The following UBE4A variants were observed in gnomAD, a reference collection of about 807,000 sequenced individuals.
UBE4A encodes the protein ubiquitin conjugation factor E4 A.
A neutral mutation model predicts 117.9 loss-of-function variants in UBE4A; 48 were observed. The observed-to-expected ratio is 0.41, with a 90% CI of 0.32 to 0.52. The LOEUF (loss-of-function observed/expected upper bound fraction) is 0.52, where lower values mean the gene tolerates loss of function less well. UBE4A is among the 20% of genes least tolerant of loss of function. The pLI is 0.33. For missense variants in UBE4A, 1,067 were observed against 1,296.3 expected (o/e 0.82, Z 2.72); for synonymous variants, 407 against 450.0 (o/e 0.90, Z 1.21).
intron 3 of UBE4A, 62 bp downstream of exon 3, chr11:118,368,866 C>T (rs755926128): frequency 6.5e-7 from 1 of 1,544,664 alleles, no homozygotes. Context: ...TAGGGGCTTG[C>T]TCTTTGAAAC....
rs1457248027 is a variant in UBE4A at position 118,374,861 on chromosome 11, GA to G, written c.1117-32del. 5 of 1,471,678 alleles carry G rather than the reference GA, an allele frequency of 3.4e-6. No homozygotes were observed. In the African/African-American group the frequency reaches 7.1e-5, roughly 21 times the overall value. The allele number at this position is 1,471,678 out of a possible 1,614,324, so 91.2% of individuals were successfully genotyped here. On this transcript the variant is annotated intron_variant, in intron 8 of 19. Coordinates refer to ENST00000252108, the MANE Select transcript of UBE4A (RefSeq NM_001204077.2). ...TGGGAATAAAAACTATTAGGATTGT[GA>G]AACGTTCTGTGGTTGTGTTTTCTGG...
chr11:118,384,722 G>A lies in UBE4A; in HGVS notation c.2285G>A (p.Arg762Gln), dbSNP rs782347456. 21 of 1,613,778 alleles carry A rather than the reference G, an allele frequency of 1.3e-5. No homozygotes were observed. Among genetic ancestry groups the A allele is most frequent in the East Asian group, 6.7e-5 (3 of 44,878 alleles). Residue 762 changes from arginine to glutamine, a missense_variant, in exon 14 of 20, where the codon CGG becomes CAG. This residue lies in a region of UBE4A where 1,001 missense variants were observed against 1,184.0 expected (regional missense o/e 0.85). Transcript: ENST00000252108. ...LRYMWGTDTY[R>Q]ESIKDLADYA... ...TACATGTGGGGGACAGATACCTATC[G>A]GGAGAGCATTAAGGTGAGAGAGTTT...
At position 118,368,810 on chromosome 11, in the gene UBE4A, T is replaced by C; in HGVS notation, c.295+6T>C. ...CCTTATTACTCTGGACAACAGTGAG[T>C]TACAAACTTATAGCATTATTCTACC... On this transcript the variant is annotated splice_donor_region_variant and intron_variant, in intron 3 of 19. Coordinates refer to ENST00000252108, the MANE Select transcript of UBE4A (RefSeq NM_001204077.2). 1 of 1,613,888 alleles carries C rather than the reference T, an allele frequency of 6.2e-7. No homozygotes were observed. The highest frequency in any genetic ancestry group is 8.5e-7 in the Non-Finnish European group (1 of 1,179,870).
At chr11:118,389,520 T>A (rs1948792857) in intron 16 of UBE4A, among the ~76,000 whole-genome samples, 2 of 152,242 alleles carry the variant, frequency 1.3e-5, no homozygotes, top group African/African-American at 4.8e-5. Context: ...TTTTGTCTTT[T>A]CTGTTTTTTG....
At chr11:118,363,665 G>GCAGTGGCA (rs1948539915) in intron 1 of UBE4A, among the ~76,000 whole-genome samples, 1 of 139,042 alleles carries the variant, frequency 7.2e-6, no homozygotes, top group Admixed American at 8.0e-5. Context: ...AGGTTGAAGT[G>GCAGTGGCA]CAGTGGCACA....
chr11:118,360,149 G>A (rs907768019), intron 1 of UBE4A, among the ~76,000 whole-genome samples: 1 of 152,222 alleles, frequency 6.6e-6, no homozygotes, highest in African/African-American at 2.4e-5. Context: ...TCTTAAGGCA[G>A]GTGATGAGTT....
intron 8 of UBE4A, among the ~76,000 whole-genome samples, chr11:118,374,334 C>T (rs140894328): frequency 6.8e-4 from 103 of 152,256 alleles, no homozygotes; most frequent in African/African-American, 2.5e-3. Context: ...TCCACCTATG[C>T]CCTCTCTTTG....
chr11:118,382,845 G>A (rs1416388416), intron 13 of UBE4A, 69 bp downstream of exon 13: 18 of 1,338,300 alleles, frequency 1.3e-5, no homozygotes, highest in African/African-American at 3.0e-5. Flanking sequence ...AGTTTGATCC[G>A]TATTTGGATA....
intron 11 of UBE4A, 38 bp from the exon 12 acceptor site, chr11:118,381,353 G>A (rs1247307212): frequency 3.7e-6 from 6 of 1,611,872 alleles, no homozygotes; most frequent in Admixed American, 1.7e-5. Context: ...CAGATATACA[G>A]ATGTTTGGCT....
intron 2 of UBE4A, among the ~76,000 whole-genome samples, chr11:118,367,292 CAAG>C (rs1048571887): frequency 1.8e-4 from 26 of 146,316 alleles, no homozygotes; most frequent in African/African-American, 2.5e-4. Flanking sequence ...AAAAAAATAA[CAAG>C]AAAGAATAAA....
intron 10 of UBE4A, chr11:118,378,606 C>G (rs1167156471): frequency 1.3e-5 from 2 of 152,172 alleles, no homozygotes; most frequent in African/African-American, 2.4e-5. Context: ...GAGCATTTTT[C>G]AAAACTACTC....
chr11:118,374,981 C>A lies in UBE4A; in HGVS notation c.1202C>A (p.Ser401Tyr). ...LSPETKHCIL[S>Y]WLGNCLHANA... ...CCAGAAACCAAACACTGTATCTTGT[C>A]CTGGCTTGGAAACTGTTTGCATGCA... The change falls in exon 9 of 20, where the codon TCC (serine) becomes TAC (tyrosine). Residue 401 changes from serine (S) to tyrosine (Y), a missense_variant. Physicochemically the swap from Ser to Tyr is moderately radical, Grantham distance 144. Transcript: ENST00000252108. 6.2e-7 allele frequency: 1 copy of A among 1,608,490 alleles called. No homozygotes were observed. Among genetic ancestry groups the A allele is most frequent in the Non-Finnish European group, 8.5e-7 (1 of 1,176,456 alleles).
At chr11:118,361,013 T>G (rs1948516774) in intron 1 of UBE4A, among the ~76,000 whole-genome samples, 1 of 148,632 alleles carries the variant, frequency 6.7e-6, no homozygotes, top group Admixed American at 6.7e-5. Context: ...TGTGTATTTT[T>G]TTTTTTTTTT....
chr11:118,360,398 C>G (rs1037607516), intron 1 of UBE4A, among the ~76,000 whole-genome samples: 2 of 152,214 alleles, frequency 1.3e-5, no homozygotes, highest in African/African-American at 2.4e-5. Context: ...TGCTTTTTGA[C>G]TTGAGATCCT....
Position 118,375,194 on chromosome 11 carries a change from A to G in UBE4A, c.1415A>G (p.Asp472Gly). 6.2e-7 allele frequency: 1 copy of G among 1,609,914 alleles called. No homozygotes were observed. Among genetic ancestry groups the G allele is most frequent in the Non-Finnish European group, 8.5e-7 (1 of 1,177,368 alleles). ...PTYCALKELNDEERKIKNVHM... is the reference protein window; with the variant it reads ...PTYCALKELNGEERKIKNVHM... ...TACTGTGCCCTCAAGGAGTTGAATGATGAAGAACGAAAAATTAAAAATGTA... is the reference window on the plus strand; with the variant it reads ...TACTGTGCCCTCAAGGAGTTGAATGGTGAAGAACGAAAAATTAAAAATGTA... Residue 472 changes from aspartate to glycine, a missense_variant, in exon 9 of 20, where the codon GAT (aspartate) becomes GGT (glycine). Physicochemically the swap from Asp to Gly is moderately conservative, Grantham distance 94. Transcript: ENST00000252108.
chr11:118,383,139 T>G (rs1412004749), intron 13 of UBE4A, among the ~76,000 whole-genome samples: 1 of 152,214 alleles, frequency 6.6e-6, no homozygotes, highest in Non-Finnish European at 1.5e-5. Context: ...CCTTATTATG[T>G]TGCATCATCA....
At chr11:118,380,764 A>G (rs1555126218) in intron 11 of UBE4A, among the ~76,000 whole-genome samples, 1 of 152,142 alleles carries the variant, frequency 6.6e-6, no homozygotes, top group African/African-American at 2.4e-5. Context: ...GTGGTTGTTG[A>G]CAGGCCTCAG....
At chr11:118,380,130 TGTGC>T (rs782233883) in intron 11 of UBE4A, among the ~76,000 whole-genome samples, 32 of 67,850 alleles carry the variant, frequency 4.7e-4, no homozygotes, top group Admixed American at 3.1e-3. Flanking sequence ...TGTGTGTGTG[TGTGC>T]GTGTGTGTGT....
rs1002500913 is a variant in UBE4A at position 118,375,016 on chromosome 11, C to T, written c.1237C>T (p.Arg413Cys). 11 of 1,613,756 alleles carry T rather than the reference C, an allele frequency of 6.8e-6. No homozygotes were observed. Among genetic ancestry groups the T allele is most frequent in the East Asian group, 2.2e-5 (1 of 44,898 alleles). Residue 413 changes from arginine (R) to cysteine (C), a missense_variant, in exon 9 of 20, where the codon CGC (arginine) becomes TGC (cysteine). By Grantham distance (180) the Arg-to-Cys change is radical. Transcript: ENST00000252108. ...AAACTGTTTGCATGCAAATGCAGGC[C>T]GCACCAAGATTTGGGCCAATCAGAT... ...LGNCLHANAG[R>C]TKIWANQMPE...
Sources: gnomAD v4.1 joint callset for allele counts (sites outside exome capture counted in the v4.1 genomes callset) on GRCh38, gnomAD v4.1.1 for gene constraint, gnomAD v4.1.1 regional missense constraint, MANE v1.5 for transcripts, NCBI Gene and HGNC (gene_info 2026-07-23, HGNC 2026-07-21) for gene names.